The following GGNBP2 variants were observed in gnomAD, a reference collection of about 807,000 sequenced individuals.
GGNBP2 encodes the protein gametogenetin-binding protein 2.
A neutral mutation model predicts 85.9 loss-of-function variants in GGNBP2; 10 were observed. The observed-to-expected ratio is 0.12, with a 90% confidence interval of 0.07 to 0.20. GGNBP2 has a LOEUF of 0.20. GGNBP2 is among the 10% of genes least tolerant of loss of function. The probability of loss-of-function intolerance (pLI) is 1.00; values close to 1 mark genes in which losing one functional copy is unlikely to be tolerated. For synonymous variants in GGNBP2, 287 were observed against 285.7 expected, an observed-to-expected ratio of 1.00 and a Z score of -0.05; for missense variants, 595 against 857.8, an observed-to-expected ratio of 0.69 and a Z score of 3.83.
chr17:36,551,125 C>G (rs1010113989), intron 2 of GGNBP2, among the ~76,000 whole-genome samples: 2 of 151,788 alleles, frequency 1.3e-5, no homozygotes, highest in Non-Finnish European at 2.9e-5. Flanking sequence ...TAGATTAGAT[C>G]TTAGTATTTT....
rs376809773 is a variant in GGNBP2 at position 36,566,427 on chromosome 17, A to G, written c.528-1236A>G. Among the ~76,000 whole-genome samples, 21 of 152,232 alleles carry G rather than the reference A, an allele frequency of 1.4e-4. No individual in the cohort carries two copies. The East Asian group carries it at 3.9e-3, about 28-fold the overall frequency. ...GTAATCCCAGCCCTTTGGGAGGCTG[A>G]GGTGGGTGGATTGCTTGAGCTGAGG... On this transcript the variant is annotated intron_variant, in intron 5 of 13. Coordinates refer to ENST00000613102, the MANE Select transcript of GGNBP2 (RefSeq NM_024835.5).
At position 36,581,421 on chromosome 17, in the gene GGNBP2, A is replaced by G. The variant is rs754179349; in HGVS notation, c.1098A>G (p.Arg366=). ...CEEFSEEERV[R]ELKQEKKRQK... ...AATTTTCAGAAGAGGAACGAGTAAG[A>G]GAACTCAAGCAAGAAAAGAAACGCC... Residue 366 remains arginine (R), a synonymous_variant, in exon 9 of 14, where the codon AGA becomes AGG. Transcript: ENST00000613102. 5.6e-6 allele frequency: 9 copies of G among 1,613,894 alleles called. No individual in the cohort carries two copies. In the East Asian group the frequency reaches 2.0e-4, roughly 36 times the overall value.
At chr17:36,555,908 A>T (rs1366937120) in intron 3 of GGNBP2, among the ~76,000 whole-genome samples, 1 of 152,230 alleles carries the variant, frequency 6.6e-6, no homozygotes, top group African/African-American at 2.4e-5. Context: ...GGTTAAATTC[A>T]CAGATGTAGA....
chr17:36,565,852 C>A (rs543848114), intron 5 of GGNBP2, among the ~76,000 whole-genome samples: 1 of 152,222 alleles, frequency 6.6e-6, no homozygotes, highest in South Asian at 2.1e-4. Flanking sequence ...GCCGAGATCA[C>A]ACCACTGCAC....
intron 7 of GGNBP2, 53 bp downstream of exon 7, chr17:36,578,239 A>G: frequency 7.4e-7 from 1 of 1,350,956 alleles, no homozygotes; most frequent in Non-Finnish European, 1.0e-6. Context: ...GCTTCATTTT[A>G]TTACTGAAAG....
At chr17:36,566,213 G>A (rs116717003) in intron 5 of GGNBP2, among the ~76,000 whole-genome samples, 1,562 of 152,274 alleles carry the variant, frequency 0.01, 27 homozygotes, top group African/African-American at 0.035. Flanking sequence ...AAATCAAGAA[G>A]GCTGTGATTG....
Position 36,561,413 on chromosome 17 carries a change from C to T in GGNBP2, c.527+542C>T, listed in dbSNP as rs1486626866. Among the ~76,000 whole-genome samples, 13 of 152,180 alleles carry T rather than the reference C, an allele frequency of 8.5e-5. No homozygotes were observed. The East Asian group carries it at 1.5e-3, about 18-fold the overall frequency. Reference sequence around the variant, plus strand: ...CTGGGATTACAGGTGTGAGGCACCACACTCGGCCGGTTGAAGTCTTTATGG... The same window carrying T: ...CTGGGATTACAGGTGTGAGGCACCATACTCGGCCGGTTGAAGTCTTTATGG... On this transcript the variant is annotated intron_variant, in intron 5 of 13. Transcript: ENST00000613102.
At chr17:36,580,737 T>A (rs2074640292) in intron 8 of GGNBP2, among the ~76,000 whole-genome samples, 1 of 150,790 alleles carries the variant, frequency 6.6e-6, no homozygotes, top group Admixed American at 6.6e-5. Flanking sequence ...CTGGCCATGA[T>A]GGCGAAACCC....
At position 36,581,221 on chromosome 17, in the gene GGNBP2, C is replaced by T. The variant is rs1354430903; in HGVS notation, c.1021-123C>T. 5 of 611,136 alleles carry T rather than the reference C, an allele frequency of 8.2e-6. No homozygotes were observed. The East Asian group carries it at 1.5e-4, about 18-fold the overall frequency. 37.9% of individuals were successfully genotyped at this position (611,136 alleles called of 1,614,324 possible). A position where few individuals can be genotyped will look rare whatever the true frequency, so the allele number is the denominator to read the frequency against. On this transcript the variant is annotated intron_variant, in intron 8 of 13. Coordinates refer to ENST00000613102, the MANE Select transcript of GGNBP2 (RefSeq NM_024835.5). ...AATGGCGTGAACCCAGGAGGTGGAGCTTGCAGTGAGCTGAGATCATGCCAC... is the reference window on the plus strand; with the variant it reads ...AATGGCGTGAACCCAGGAGGTGGAGTTTGCAGTGAGCTGAGATCATGCCAC...
chr17:36,584,085 G>T (rs2074677149), intron 9 of GGNBP2, among the ~76,000 whole-genome samples: 1 of 152,186 alleles, frequency 6.6e-6, no homozygotes, highest in Admixed American at 6.5e-5. Context: ...TCTGATTGTT[G>T]TTTCAATGTT....
chr17:36,554,308 C>CAAAA (rs34134532), intron 2 of GGNBP2, among the ~76,000 whole-genome samples: 1 of 59,340 alleles, frequency 1.7e-5, no homozygotes, highest in African/African-American at 7.4e-5. Context: ...GACTCCGTCT[C>CAAAA]AAAAAAAAAA....
chr17:36,587,682 A>T, intron 13 of GGNBP2: 1 of 173,178 alleles, frequency 5.8e-6, no homozygotes, highest in African/African-American at 2.4e-5. Context: ...AGGTCAAGAG[A>T]TCAAGACCAT....
At chr17:36,575,644 ATATAT>A (rs1318684718) in intron 6 of GGNBP2, among the ~76,000 whole-genome samples, 1 of 52,486 alleles carries the variant, frequency 1.9e-5, no homozygotes, top group Admixed American at 2.0e-4. Context: ...ATATATATAT[ATATAT>A]TTTTTTTTTT....
chr17:36,564,441 A>G (rs941562197), intron 5 of GGNBP2, among the ~76,000 whole-genome samples: 12 of 152,142 alleles, frequency 7.9e-5, no homozygotes, highest in African/African-American at 1.9e-4. Context: ...CTGTTTTCCT[A>G]TCTTTCAGCT....
chr17:36,560,818 G>T lies in GGNBP2; in HGVS notation c.474G>T (p.Lys158Asn). Reference protein sequence around the residue: ...DMIDAIPKSKKNKRCQLHSLD... With the variant: ...DMIDAIPKSKNNKRCQLHSLD... ...TAGATGCTATTCCAAAAAGTAAGAA[G>T]AATAAGAGATGTCAGTTGCACTCCT... The change falls in exon 5 of 14, where the codon AAG becomes AAT. Residue 158 changes from lysine to asparagine, a missense_variant. Lys to Asn is a moderately conservative substitution (Grantham distance 94). This residue lies in a region of GGNBP2 where 216 missense variants were observed against 293.4 expected (regional missense o/e 0.74). Coordinates refer to ENST00000613102, the MANE Select transcript of GGNBP2 (RefSeq NM_024835.5). 3 of 1,603,954 alleles carry T rather than the reference G, an allele frequency of 1.9e-6. No individual in the cohort carries two copies. The highest frequency in any genetic ancestry group is 2.6e-6 in the Non-Finnish European group (3 of 1,175,544).
chr17:36,564,678 C>T (rs1195478273), intron 5 of GGNBP2, among the ~76,000 whole-genome samples: 13 of 152,134 alleles, frequency 8.5e-5, no homozygotes, highest in Admixed American at 7.2e-4. Flanking sequence ...GCCAAGGCTC[C>T]CTCTCCCTTG....
intron 6 of GGNBP2, among the ~76,000 whole-genome samples, chr17:36,570,621 A>G (rs1156300486): frequency 2.0e-5 from 3 of 152,080 alleles, no homozygotes; most frequent in Non-Finnish European, 4.4e-5. Flanking sequence ...AATCGCTTGA[A>G]CCCAGGAGGA....
intron 5 of GGNBP2, among the ~76,000 whole-genome samples, chr17:36,564,770 C>G (rs2074452785): frequency 6.6e-6 from 1 of 152,076 alleles, no homozygotes; most frequent in Non-Finnish European, 1.5e-5. Flanking sequence ...ATCCCCACCC[C>G]CCATAGCTTT....
chr17:36,545,800 A>G lies in GGNBP2; in HGVS notation c.76A>G (p.Ile26Val), dbSNP rs370062188. ...CGAGAGGAGGCAGATTCCCCTCTAC[A>G]TAGACGACACCCTGACGGTGAGCGG... Reference protein sequence around the residue: ...PFERRQIPLYIDDTLTMVMEF... With the variant: ...PFERRQIPLYVDDTLTMVMEF... The change falls in exon 2 of 14, where the codon ATA becomes GTA. Residue 26 changes from isoleucine to valine, a missense_variant. Ile to Val is a conservative substitution (Grantham distance 29). This residue lies in a region of GGNBP2 where 216 missense variants were observed against 293.4 expected (regional missense o/e 0.74). Coordinates refer to ENST00000613102, the MANE Select transcript of GGNBP2 (RefSeq NM_024835.5). 2 of 1,567,710 alleles carry G rather than the reference A, an allele frequency of 1.3e-6. No homozygotes were observed. The highest frequency in any genetic ancestry group is 2.4e-5 in the East Asian group (1 of 41,780).
Sources: gnomAD v4.1 joint callset for allele counts (sites outside exome capture counted in the v4.1 genomes callset) on GRCh38, gnomAD v4.1.1 for gene constraint, gnomAD v4.1.1 regional missense constraint, MANE v1.5 for transcripts, NCBI Gene and HGNC (gene_info 2026-07-23, HGNC 2026-07-21) for gene names.